Variants in TSC22D2 observed in about 807,000 individuals in gnomAD.
The protein encoded by TSC22D2 is TSC22 domain family member 2, also known as TSC22 domain family protein 2.
A neutral mutation model predicts 50.1 loss-of-function variants in TSC22D2; 5 were observed. The ratio of observed to expected loss-of-function variants is 0.10; its 90% CI spans 0.05 to 0.21. The LOEUF (loss-of-function observed/expected upper bound fraction) is 0.21, where lower values mean the gene tolerates loss of function less well. TSC22D2 is among the 10% of genes least tolerant of loss of function. The pLI is 1.00. For missense variants in TSC22D2, 1,003 were observed against 1,015.5 expected (o/e 0.99, Z 0.17); for synonymous variants, 501 against 450.1 (o/e 1.11, Z -1.43).
chr3:150,414,630 ATAT>A (rs1719730740), intron 1 of TSC22D2, among the ~76,000 whole-genome samples: 1 of 152,182 alleles, frequency 6.6e-6, no homozygotes, highest in South Asian at 2.1e-4. Context: ...CACTGATAAA[ATAT>A]TATACATTGT....
rs1258503477 is a variant in TSC22D2 at position 150,454,080 on chromosome 3, A to G, written c.1959-2996A>G. Among the ~76,000 whole-genome samples, 3 of 152,334 alleles carry G rather than the reference A, an allele frequency of 2.0e-5. No individual in the cohort carries two copies. In the East Asian group the frequency reaches 5.8e-4, roughly 29 times the overall value. On this transcript the variant is annotated intron_variant, in intron 1 of 2. Coordinates refer to ENST00000688009, the MANE Select transcript of TSC22D2 (RefSeq NM_001303264.2). ...GTATATGGAGGAGCCAGAATTTGCT[A>G]TTCTGCCTTTTTGCACTATAAAAAG...
chr3:150,438,704 TA>T, intron 1 of TSC22D2, among the ~76,000 whole-genome samples: 1 of 152,218 alleles, frequency 6.6e-6, no homozygotes, highest in Middle Eastern at 3.4e-3. Flanking sequence ...TGAGAAATAA[TA>T]TATTCATCTT....
chr3:150,410,607 T>G lies in TSC22D2; in HGVS notation c.1257T>G (p.Ala419=). 4.5e-6 allele frequency: 7 copies of G among 1,559,024 alleles called. No homozygotes were observed. The highest frequency in any genetic ancestry group is 6.1e-6 in the Non-Finnish European group (7 of 1,153,422). ...ATLPVGTGQN[A]SSVGAQLMGA... is the part of the protein sequence containing the mutation. Reference sequence around the variant, plus strand: ...TTCCCGTGGGCACCGGCCAGAATGCTTCCTCGGTGGGCGCGCAGCTCATGG... The same window carrying G: ...TTCCCGTGGGCACCGGCCAGAATGCGTCCTCGGTGGGCGCGCAGCTCATGG... The change falls in exon 1 of 3, where the codon GCT becomes GCG. Residue 419 remains alanine, a synonymous_variant. Transcript: ENST00000688009.
chr3:150,415,326 T>C (rs1719761279), intron 1 of TSC22D2, among the ~76,000 whole-genome samples: 1 of 152,202 alleles, frequency 6.6e-6, no homozygotes, highest in Admixed American at 6.5e-5. Context: ...TTAGAAAACA[T>C]GATGGCTTAT....
At chr3:150,434,131 C>A (rs67319423) in intron 1 of TSC22D2, among the ~76,000 whole-genome samples, 59,166 of 149,724 alleles carry the variant, frequency 0.4, 11,838 homozygotes, top group Middle Eastern at 0.55. Flanking sequence ...AGCTCAGAGT[C>A]AAAAAATAGG....
Position 150,457,568 on chromosome 3 carries a change from A to T in TSC22D2, c.2010+441A>T, listed in dbSNP as rs548443057. ...CCAGCACCTGAGCTGAGGTGGGAGG[A>T]TCACTTGAGGCCAGGAGTTTGAGAC... is the stretch of plus-strand genomic sequence containing the variant. On this transcript the variant is annotated intron_variant, in intron 2 of 2. Coordinates refer to ENST00000688009, the MANE Select transcript of TSC22D2 (RefSeq NM_001303264.2). Among the ~76,000 whole-genome samples, 3 of 152,190 alleles carry T rather than the reference A, an allele frequency of 2.0e-5. No homozygotes were observed. In the South Asian group the frequency reaches 6.2e-4, roughly 32 times the overall value.
At chr3:150,453,079 T>G (rs1390479907) in intron 1 of TSC22D2, among the ~76,000 whole-genome samples, 1 of 152,232 alleles carries the variant, frequency 6.6e-6, no homozygotes, top group East Asian at 1.9e-4. Context: ...TATGTATCTA[T>G]ACATACACAC....
At chr3:150,412,068 G>T (rs1259835046) in intron 1 of TSC22D2, among the ~76,000 whole-genome samples, 3 of 152,102 alleles carry the variant, frequency 2.0e-5, no homozygotes, top group African/African-American at 7.2e-5. Context: ...AAGTGTAAAT[G>T]TTAATAATTG....
rs997125765 is a variant in TSC22D2 at position 150,425,819 on chromosome 3, A to G, written c.1958+14511A>G. Among the ~76,000 whole-genome samples the G allele has an allele frequency of 2.6e-5, 4 of 152,224 alleles. No individual in the cohort carries two copies. In the South Asian group the frequency reaches 8.3e-4, roughly 32 times the overall value. On this transcript the variant is annotated intron_variant, in intron 1 of 2. Coordinates refer to ENST00000688009, the MANE Select transcript of TSC22D2 (RefSeq NM_001303264.2). ...GCAGAATATCTTTTAATCAAAATGT[A>G]AGTAACTAATATACCTTTCTCATAT...
chr3:150,412,782 C>T (rs1193820267), intron 1 of TSC22D2, among the ~76,000 whole-genome samples: 1 of 152,132 alleles, frequency 6.6e-6, no homozygotes, highest in Admixed American at 6.5e-5. Flanking sequence ...TATAGTTGCT[C>T]CCATTGTCAC....
At chr3:150,435,485 C>CT (rs1418181976) in intron 1 of TSC22D2, among the ~76,000 whole-genome samples, 1 of 152,008 alleles carries the variant, frequency 6.6e-6, no homozygotes, top group Non-Finnish European at 1.5e-5. Flanking sequence ...CCATTTAAAA[C>CT]TAAGTATTTC....
At chr3:150,440,969 C>T (rs1720698679) in intron 1 of TSC22D2, among the ~76,000 whole-genome samples, 1 of 151,036 alleles carries the variant, frequency 6.6e-6, no homozygotes, top group South Asian at 2.1e-4. Context: ...TCTTTAGCAC[C>T]ACGATTAAAA....
chr3:150,441,813 C>T (rs144564214), intron 1 of TSC22D2, among the ~76,000 whole-genome samples: 16 of 152,188 alleles, frequency 1.1e-4, no homozygotes, highest in African/African-American at 2.4e-4. Context: ...CATTCTTCAT[C>T]GTGGTAAGAG....
intron 1 of TSC22D2, among the ~76,000 whole-genome samples, chr3:150,437,899 C>T (rs1450099760): frequency 6.6e-6 from 1 of 152,004 alleles, no homozygotes; most frequent in Non-Finnish European, 1.5e-5. Flanking sequence ...TGCCTTTCTA[C>T]AGGACTACAA....
intron 1 of TSC22D2, among the ~76,000 whole-genome samples, chr3:150,414,164 A>G (rs1485818089): frequency 1.3e-5 from 2 of 152,210 alleles, no homozygotes; most frequent in African/African-American, 2.4e-5. Context: ...AGCATTGCCT[A>G]TTGACTCTAC....
chr3:150,454,964 T>TA (rs1721142042), intron 1 of TSC22D2, among the ~76,000 whole-genome samples: 1 of 147,848 alleles, frequency 6.8e-6, no homozygotes, highest in Non-Finnish European at 1.5e-5. Flanking sequence ...TGATTTTAAT[T>TA]ATCAAAAAAA....
chr3:150,434,152 GTTT>G (rs75231849), intron 1 of TSC22D2, among the ~76,000 whole-genome samples: 2 of 135,428 alleles, frequency 1.5e-5, no homozygotes, highest in Non-Finnish European at 3.3e-5. Context: ...AGGGTTTTTT[GTTT>G]TTTTTTTTTT....
At chr3:150,434,740 T>TA (rs1467269644) in intron 1 of TSC22D2, among the ~76,000 whole-genome samples, 2 of 152,130 alleles carry the variant, frequency 1.3e-5, no homozygotes, top group Admixed American at 1.3e-4. Flanking sequence ...GTGTTTCTTC[T>TA]ACCAATAGGT....
At chr3:150,444,780 G>A (rs145084309) in intron 1 of TSC22D2, among the ~76,000 whole-genome samples, 2 of 152,226 alleles carry the variant, frequency 1.3e-5, no homozygotes, top group African/African-American at 4.8e-5. Flanking sequence ...CTCTGAAAAT[G>A]TGCCTACTTG....
Sources: gnomAD v4.1 joint callset for allele counts (sites outside exome capture counted in the v4.1 genomes callset) on GRCh38, gnomAD v4.1.1 for gene constraint, MANE v1.5 for transcripts, NCBI Gene and HGNC (gene_info 2026-07-23, HGNC 2026-07-21) for gene names.